Variants in NACC1 observed in about 807,000 individuals in gnomAD.
The protein encoded by NACC1 is nucleus accumbens associated 1, also known as nucleus accumbens-associated protein 1.
A neutral mutation model predicts 41.7 loss-of-function variants in NACC1; 6 were observed. The observed-to-expected ratio is 0.14, with a 90% CI of 0.08 to 0.28. The LOEUF (loss-of-function observed/expected upper bound fraction) is 0.28, where lower values mean the gene tolerates loss of function less well. Ranked by LOEUF, NACC1 falls within the 10% of genes least tolerant of loss-of-function variation. The pLI is 1.00. For synonymous variants in NACC1, 338 were observed against 330.6 expected (o/e 1.02, Z -0.24); for missense variants, 434 against 763.7 (o/e 0.57, Z 5.09).
Position 13,135,639 on chromosome 19 carries a change from G to A in NACC1, c.432G>A (p.Gln144=), listed in dbSNP as rs1194941881. 61 of 1,568,030 alleles carry A rather than the reference G, an allele frequency of 3.9e-5. No individual in the cohort carries two copies. The highest frequency in any genetic ancestry group is 5.2e-5 in the Non-Finnish European group (60 of 1,160,554). The change falls in exon 2 of 6, where the codon CAG becomes CAA. Residue 144 remains glutamine, a synonymous_variant. Coordinates refer to ENST00000292431, the MANE Select transcript of NACC1 (RefSeq NM_052876.4). ...HAEEAPSSEP[Q]SPVAQTSGWP... is the part of the protein sequence containing the mutation. ...AGGAGGCCCCATCGTCGGAGCCCCA[G>A]AGCCCCGTGGCGCAGACATCGGGCT...
rs543561512 is a variant in NACC1, at chr19:13,140,763, T to A, written c.*2357T>A. The A allele has an allele frequency of 4.0e-5, 6 of 151,176 alleles. No homozygotes were observed. The highest frequency in any genetic ancestry group is 1.5e-4 in the African/African-American group (6 of 40,492). The allele number at this position is 151,176 out of a possible 1,614,324, so 9.4% of individuals were successfully genotyped here. ...TGCCCTGCCATTCACCCTCCACCCC[T>A]ACCCCTGGGCGGCCTGCTGCTTTTT... On this transcript the variant is annotated 3_prime_UTR_variant, in exon 6 of 6. Coordinates refer to ENST00000292431, the MANE Select transcript of NACC1 (RefSeq NM_052876.4). The surrounding 1 kb of genome is among the most constrained non-coding windows in gnomAD (Gnocchi z 4.0).
chr19:13,127,097 A>T (rs1568383287), intron 1 of NACC1, among the ~76,000 whole-genome samples: 3 of 150,980 alleles, frequency 2.0e-5, no homozygotes, highest in Non-Finnish European at 1.5e-5. Flanking sequence ...CAAATAAATA[A>T]TTTTTTTTTA....
Position 13,136,259 on chromosome 19 carries a change from A to T in NACC1, c.974A>T (p.Gln325Leu). ...TAEKVEALPE[Q>L]VAPESRNRIR... ...GAGAAGGTGGAGGCCCTCCCGGAGC[A>T]GGTAGCCCCCGAGTCCCGAAATCGC... The change falls in exon 3 of 6, where the codon CAG (glutamine) becomes CTG (leucine). Residue 325 changes from glutamine to leucine, a missense_variant. By Grantham distance (113) the Gln-to-Leu change is moderately radical. Coordinates refer to ENST00000292431, the MANE Select transcript of NACC1 (RefSeq NM_052876.4). The surrounding 1 kb of genome is among the most constrained non-coding windows in gnomAD (Gnocchi z 5.5). 6.2e-7 allele frequency: 1 copy of T among 1,613,720 alleles called. No individual in the cohort carries two copies. The highest frequency in any genetic ancestry group is 8.5e-7 in the Non-Finnish European group (1 of 1,179,774).
Position 13,135,934 on chromosome 19 carries a change from G to T in NACC1, c.727G>T (p.Ala243Ser). ...CGTGGCTGCGGGAGCAGGGCAGCCA[G>T]CCGGTGGGGTGGCAGCAGCAGGGGG... ...PAVAAGAGQP[A>S]GGVAAAGGVV... The change falls in exon 2 of 6, where the codon GCC (alanine) becomes TCC (serine). Residue 243 changes from alanine to serine, a missense_variant. Coordinates refer to ENST00000292431, the MANE Select transcript of NACC1 (RefSeq NM_052876.4). 6.3e-7 allele frequency: 1 copy of T among 1,586,650 alleles called. No homozygotes were observed. The highest frequency in any genetic ancestry group is 8.6e-7 in the Non-Finnish European group (1 of 1,168,006).
chr19:13,125,146 G>A (rs1472779814), intron 1 of NACC1, among the ~76,000 whole-genome samples: 1 of 152,082 alleles, frequency 6.6e-6, no homozygotes, highest in African/African-American at 2.4e-5. Flanking sequence ...GGGTGACAGA[G>A]CAAGACCCTG....
chr19:13,119,800 T>A (rs2019465844), intron 1 of NACC1, among the ~76,000 whole-genome samples: 1 of 152,166 alleles, frequency 6.6e-6, no homozygotes, highest in Admixed American at 6.5e-5. Flanking sequence ...GGGACACTCG[T>A]CCTGGGCCAG....
At position 13,135,946 on chromosome 19, in the gene NACC1, G is replaced by C; in HGVS notation, c.739G>C (p.Ala247Pro). ...AGCAGGGCAGCCAGCCGGTGGGGTG[G>C]CAGCAGCAGGGGGTGTGGTGAGTGG... is the stretch of plus-strand genomic sequence containing the variant. ...AGAGQPAGGV[A>P]AAGGVVSGPS... The change falls in exon 2 of 6, where the codon GCA becomes CCA. Residue 247 changes from alanine to proline, a missense_variant. Transcript: ENST00000292431. 2 of 1,595,698 alleles carry C rather than the reference G, an allele frequency of 1.3e-6. No individual in the cohort carries two copies. The highest frequency in any genetic ancestry group is 1.7e-6 in the Non-Finnish European group (2 of 1,172,430).
intron 1 of NACC1, chr19:13,132,454 C>T (rs2019645938): frequency 6.7e-6 from 1 of 149,944 alleles, no homozygotes; most frequent in African/African-American, 2.5e-5. Context: ...AGGCTTGAGT[C>T]ATCCCGCCCT....
chr19:13,131,826 G>C (rs1055879855), intron 1 of NACC1: 2 of 152,154 alleles, frequency 1.3e-5, no homozygotes, highest in African/African-American at 4.8e-5. Context: ...AAGTGGTAGG[G>C]GCAGCAGATA....
intron 1 of NACC1, chr19:13,132,254 A>G (rs1599994323): frequency 6.6e-6 from 1 of 151,982 alleles, no homozygotes; most frequent in Middle Eastern, 3.4e-3. Flanking sequence ...CATCTCTACT[A>G]CAAGTACAAA....
At chr19:13,125,853 C>T (rs186899668) in intron 1 of NACC1, among the ~76,000 whole-genome samples, 1 of 152,280 alleles carries the variant, frequency 6.6e-6, no homozygotes, top group East Asian at 1.9e-4. Flanking sequence ...AATTCTGCCT[C>T]AGCCTACCTA....
intron 1 of NACC1, among the ~76,000 whole-genome samples, chr19:13,125,227 G>A (rs549526265): frequency 1.3e-5 from 2 of 152,256 alleles, no homozygotes; most frequent in African/African-American, 4.8e-5. Flanking sequence ...TGTAGAGGGT[G>A]GGAAGTCCCA....
chr19:13,139,960 C>T lies in NACC1; in HGVS notation c.*1554C>T, dbSNP rs2019765204. On this transcript the variant is annotated 3_prime_UTR_variant, in exon 6 of 6. Transcript: ENST00000292431. ...CCCCAACCCCCACCTACCCACTGCT[C>T]CCAGGGGTCTCTCCAGGGGCAGGGG... 1 of 152,318 alleles carries T rather than the reference C, an allele frequency of 6.6e-6. No individual in the cohort carries two copies. Among genetic ancestry groups the T allele is most frequent in the Admixed American group, 6.5e-5 (1 of 15,274 alleles). 9.4% of individuals were successfully genotyped at this position (152,318 alleles called of 1,614,324 possible).
In NACC1 at chr19:13,138,489, G is replaced by A; in HGVS notation, c.*83G>A. ...CCATCTTGGTCATGAGCTACTGTCTGTCCCTCCCCAGGACCCGCGGTGGGT... is the reference window on the plus strand; with the variant it reads ...CCATCTTGGTCATGAGCTACTGTCTATCCCTCCCCAGGACCCGCGGTGGGT... On this transcript the variant is annotated 3_prime_UTR_variant, in exon 6 of 6. Coordinates refer to ENST00000292431, the MANE Select transcript of NACC1 (RefSeq NM_052876.4). This position sits in a 1 kb window ranked among gnomAD's most constrained non-coding sequence, Gnocchi z 5.7. 6.4e-7 allele frequency: 1 copy of A among 1,555,558 alleles called. No individual in the cohort carries two copies. Among genetic ancestry groups the A allele is most frequent in the Non-Finnish European group, 8.7e-7 (1 of 1,154,304 alleles).
chr19:13,119,175 G>T (rs1258671758), intron 1 of NACC1, among the ~76,000 whole-genome samples: 1 of 151,526 alleles, frequency 6.6e-6, no homozygotes, highest in Non-Finnish European at 1.5e-5. Flanking sequence ...AGGCTAGGGG[G>T]GATGTGGGGG....
At position 13,136,872 on chromosome 19, in the gene NACC1, A is replaced by G. The variant is rs1304746247; in HGVS notation, c.1121-399A>G. Among the ~76,000 whole-genome samples, 1 of 152,120 alleles carries G rather than the reference A, an allele frequency of 6.6e-6. No individual in the cohort carries two copies. The highest frequency in any genetic ancestry group is 1.5e-5 in the Non-Finnish European group (1 of 68,004). ...GACTTCATCTCTTAAAAAAAGAAGA[A>G]GAAGACTGTGTTTGGTCCTTGGGTC... On this transcript the variant is annotated intron_variant, in intron 3 of 5. Transcript: ENST00000292431. This position sits in a 1 kb window ranked among gnomAD's most constrained non-coding sequence, Gnocchi z 5.5.
intron 1 of NACC1, chr19:13,132,230 A>G (rs1410647842): frequency 2.6e-5 from 4 of 151,646 alleles, no homozygotes; most frequent in African/African-American, 9.7e-5. Context: ...AGCCTGGCCT[A>G]TGTGGTGAAA....
rs1002429978 is a variant in NACC1, at chr19:13,139,254, G to C, written c.*848G>C. On this transcript the variant is annotated 3_prime_UTR_variant, in exon 6 of 6. Transcript: ENST00000292431. ...GGGTTGGAACCCAGGGGAGCAGACT[G>C]GGGGGCTGTTGCCCCTCCCTCCATC... 6.6e-6 allele frequency: 1 copy of C among 152,130 alleles called. No individual in the cohort carries two copies. Among genetic ancestry groups the C allele is most frequent in the Non-Finnish European group, 1.5e-5 (1 of 68,038 alleles). The allele number at this position is 152,130 out of a possible 1,614,324, so 9.4% of individuals were successfully genotyped here. A position where few individuals can be genotyped will look rare whatever the true frequency, so the allele number is the denominator to read the frequency against.
At chr19:13,117,210 G>C (rs1007241844), upstream of NACC1, 12 of 152,212 alleles carry the variant, frequency 7.9e-5, no homozygotes, top group Non-Finnish European at 1.3e-4. Context: ...GTAAGCGCTC[G>C]GTAAAGTTCT....
Sources: gnomAD v4.1 joint callset for allele counts (sites outside exome capture counted in the v4.1 genomes callset) on GRCh38, gnomAD v4.1.1 for gene constraint, Gnocchi (gnomAD v3.1) non-coding constraint, MANE v1.5 for transcripts, NCBI Gene and HGNC (gene_info 2026-07-23, HGNC 2026-07-21) for gene names.